The following RNPC3 variants were observed in gnomAD, a reference collection of about 807,000 sequenced individuals.
The protein encoded by RNPC3 is RNA binding region (RNP1, RRM) containing 3, also known as RNA-binding region-containing protein 3.
A neutral mutation model predicts 67.5 loss-of-function variants in RNPC3; 48 were observed. The observed-to-expected ratio is 0.71, with a 90% confidence interval of 0.56 to 0.90. The LOEUF is 0.90. Ranked by LOEUF, RNPC3 falls within the 40% of genes least tolerant of loss-of-function variation. The pLI is 0.00. For synonymous variants in RNPC3, 239 were observed against 210.3 expected (o/e 1.14, Z -1.18); for missense variants, 637 against 626.1 (o/e 1.02, Z -0.19).
chr1:103,536,928 A>T (rs759454669), intron 6 of RNPC3, among the ~76,000 whole-genome samples: 3 of 152,214 alleles, frequency 2.0e-5, no homozygotes, highest in Non-Finnish European at 2.9e-5. Flanking sequence ...CCTTTCCAAA[A>T]GTAGAGCAGA....
Position 103,525,957 on chromosome 1 carries a change from G to T in RNPC3, c.-114G>T. On this transcript the variant is annotated 5_prime_UTR_variant, in exon 1 of 15. Coordinates refer to ENST00000423855, the MANE Select transcript of RNPC3 (RefSeq NM_017619.4). ...TGACTTTCTTTCTCGGTATTTCCTG[G>T]TTTCCAGAATCCTTAGCGCGAGGCG... is the stretch of plus-strand genomic sequence containing the variant. 1.2e-6 allele frequency: 1 copy of T among 839,820 alleles called. No individual in the cohort carries two copies. The allele number at this position is 839,820 out of a possible 1,614,324, so 52.0% of individuals were successfully genotyped here.
intron 2 of RNPC3, among the ~76,000 whole-genome samples, chr1:103,532,652 A>G (rs1650886630): frequency 6.6e-6 from 1 of 152,070 alleles, no homozygotes; most frequent in Non-Finnish European, 1.5e-5. Context: ...GGCACAAGTC[A>G]AAGAGATGGA....
At chr1:103,534,720 G>A in intron 3 of RNPC3, 54 bp from the exon 4 acceptor site, 1 of 901,404 alleles carries the variant, frequency 1.1e-6, no homozygotes, top group Non-Finnish European at 1.6e-6. Context: ...TTTTCTGTGT[G>A]CAGTTTTTCA....
At chr1:103,551,282 A>G (rs1227634955) in intron 13 of RNPC3, 8 of 494,526 alleles carry the variant, frequency 1.6e-5, no homozygotes, top group South Asian at 6.4e-5. Context: ...AGGTTGTTCA[A>G]TTTCAGCCAA....
chr1:103,529,720 T>C (rs1423545106), intron 2 of RNPC3, among the ~76,000 whole-genome samples: 1 of 152,188 alleles, frequency 6.6e-6, no homozygotes, highest in East Asian at 1.9e-4. Context: ...TTGAAAATTA[T>C]TGAAACATTT....
intron 12 of RNPC3, among the ~76,000 whole-genome samples, chr1:103,550,065 G>A (rs1651348201): frequency 6.6e-6 from 1 of 152,000 alleles, no homozygotes; most frequent in African/African-American, 2.4e-5. Flanking sequence ...CCGGGGGGCT[G>A]AGGCAGGAGA....
intron 2 of RNPC3, among the ~76,000 whole-genome samples, 157 bp from the exon 3 acceptor site, chr1:103,533,582 A>G (rs965429526): frequency 3.9e-5 from 6 of 151,988 alleles, no homozygotes; most frequent in African/African-American, 1.2e-4. Flanking sequence ...TTAATAAGTA[A>G]TAAAGGCTTG....
chr1:103,535,299 A>G, intron 4 of RNPC3, 31 bp from the exon 5 acceptor site: 1 of 1,389,858 alleles, frequency 7.2e-7, no homozygotes, highest in Non-Finnish European at 9.9e-7. Flanking sequence ...TTATGAAAAC[A>G]TAAGCATCTT....
chr1:103,530,647 AG>A (rs1650827237), intron 2 of RNPC3, among the ~76,000 whole-genome samples: 2 of 152,166 alleles, frequency 1.3e-5, no homozygotes, highest in African/African-American at 4.8e-5. Flanking sequence ...CATTGGAGCA[AG>A]GGGGTGACCT....
In RNPC3 at chr1:103,535,284, T is replaced by C. The variant is rs769065797; in HGVS notation, c.444-46T>C. On this transcript the variant is annotated intron_variant, in intron 4 of 14. Coordinates refer to ENST00000423855, the MANE Select transcript of RNPC3 (RefSeq NM_017619.4). ...GGTTACCTAAAATGAGTTACTGATA[T>C]GAAATTATGAAAACATAAGCATCTT... 1.3e-5 allele frequency: 16 copies of C among 1,261,922 alleles called. No homozygotes were observed. In the African/African-American group the frequency reaches 1.8e-4, roughly 14 times the overall value. The allele number at this position is 1,261,922 out of a possible 1,614,324, so 78.2% of individuals were successfully genotyped here. A position where few individuals can be genotyped will look rare whatever the true frequency, so the allele number is the denominator to read the frequency against.
At chr1:103,537,103 G>C (rs1459070660) in intron 6 of RNPC3, among the ~76,000 whole-genome samples, 1 of 152,038 alleles carries the variant, frequency 6.6e-6, no homozygotes, top group Admixed American at 6.5e-5. Flanking sequence ...TCAGTTACAA[G>C]GAGAAATATA....
intron 12 of RNPC3, among the ~76,000 whole-genome samples, chr1:103,547,940 G>T (rs971186799): frequency 6.6e-6 from 1 of 152,156 alleles, no homozygotes; most frequent in African/African-American, 2.4e-5. Context: ...CTGTGCACTG[G>T]CAGGCTTATC....
At chr1:103,544,847 G>T in intron 9 of RNPC3, 94 bp from the exon 10 acceptor site, 5 of 658,008 alleles carry the variant, frequency 7.6e-6, no homozygotes, top group Non-Finnish European at 1.2e-5. Flanking sequence ...AGTGCCAGAA[G>T]ATATATTATT....
chr1:103,551,208 C>A (rs966371128), intron 13 of RNPC3, 135 bp downstream of exon 13: 1 of 699,514 alleles, frequency 1.4e-6, no homozygotes, highest in Non-Finnish European at 2.3e-6. Flanking sequence ...TACAATTAAA[C>A]CCACCTTACT....
At chr1:103,528,877 T>C (rs1045910433) in intron 2 of RNPC3, among the ~76,000 whole-genome samples, 1 of 152,190 alleles carries the variant, frequency 6.6e-6, no homozygotes, top group Non-Finnish European at 1.5e-5. Flanking sequence ...CCTGTGATGA[T>C]GCAAAATGAG....
chr1:103,554,783 C>T (rs865928697), intron 14 of RNPC3: 8 of 152,446 alleles, frequency 5.2e-5, no homozygotes, highest in African/African-American at 1.4e-4. Flanking sequence ...ATTGAAAATT[C>T]GGTTATTATC....
In RNPC3 at chr1:103,547,097, A is replaced by G. The variant is rs1651264449; in HGVS notation, c.1361+62A>G. ...TGTTTTTATCTATTACAAATTTACC[A>G]CTATTTTAATCCCATCATTTTCCTT... is the stretch of plus-strand genomic sequence containing the variant. On this transcript the variant is annotated intron_variant, in intron 12 of 14. Coordinates refer to ENST00000423855, the MANE Select transcript of RNPC3 (RefSeq NM_017619.4). 20 of 920,924 alleles carry G rather than the reference A, an allele frequency of 2.2e-5. 1 individual carries two copies. The South Asian group carries it at 3.3e-4, about 15-fold the overall frequency. The allele number at this position is 920,924 out of a possible 1,614,324, so 57.0% of individuals were successfully genotyped here.
intron 8 of RNPC3, among the ~76,000 whole-genome samples, chr1:103,542,144 C>T (rs1432769743): frequency 6.6e-6 from 1 of 151,866 alleles, no homozygotes; most frequent in Non-Finnish European, 1.5e-5. Context: ...ATGATTATTG[C>T]ATTAGCAATT....
intron 12 of RNPC3, among the ~76,000 whole-genome samples, chr1:103,549,102 A>G (rs555150146): frequency 1.3e-5 from 2 of 152,286 alleles, no homozygotes; most frequent in African/African-American, 4.8e-5. Flanking sequence ...TACAATTCAA[A>G]TGAGATTTGG....
Sources: allele counts gnomAD v4.1 joint callset (sites outside exome capture counted in the v4.1 genomes callset), GRCh38; gene constraint gnomAD v4.1.1; transcripts MANE v1.5; gene names NCBI Gene and HGNC (gene_info 2026-07-23, HGNC 2026-07-21).